Variants in ENTPD1 observed in about 807,000 individuals in gnomAD.
ENTPD1 encodes ATP diphosphohydrolase.
Under a neutral mutation model 57.0 loss-of-function variants are expected in ENTPD1, and 33 were observed. That is an observed-to-expected ratio of 0.58 (90% CI 0.44 to 0.77). The LOEUF is 0.77. Among genes scored for constraint, ENTPD1 ranks in the 30% least tolerant of loss-of-function variants. The probability of loss-of-function intolerance (pLI) is 0.00; values close to 1 mark genes in which losing one functional copy is unlikely to be tolerated. For synonymous variants in ENTPD1, 202 were observed against 218.8 expected (o/e 0.92, Z 0.68); for missense variants, 501 against 603.4 (o/e 0.83, Z 1.78).
Position 95,757,129 on chromosome 10 carries a change from C to T in ENTPD1, c.16+874C>T, listed in dbSNP as rs1240540686. 2.0e-5 allele frequency among the ~76,000 whole-genome samples: 3 copies of T among 152,146 alleles called. No individual in the cohort carries two copies. In the East Asian group the frequency reaches 5.8e-4, roughly 29 times the overall value. On this transcript the variant is annotated intron_variant, in intron 1 of 9. Transcript: ENST00000371205. ...TTATCATCTCTAACTTCTAACATTC[C>T]CACATGCTTATACCGTATAGAACAT...
rs1437777899 is a variant in ENTPD1, at chr10:95,868,063, CTG to C, written c.*1685_*1686del. 1.0e-6 allele frequency: 1 copy of C among 984,274 alleles called. No homozygotes were observed. The highest frequency in any genetic ancestry group is 1.2e-6 in the Non-Finnish European group (1 of 828,964). The allele number at this position is 984,274 out of a possible 1,614,324, so 61.0% of individuals were successfully genotyped here. A position where few individuals can be genotyped will look rare whatever the true frequency, so the allele number is the denominator to read the frequency against. ...GGTTGAGCATTTGTGGTGTACCACG[CTG>C]TGTGCTCAAGGGTATTACATTCATC... On this transcript the variant is annotated 3_prime_UTR_variant, in exon 10 of 10. Transcript: ENST00000371205.
chr10:95,871,401 C>G lies in ENTPD1; in HGVS notation c.*5018C>G. ...TTAATCAGGATGCTGTGGCAGCTCCCACATTAGCCTCGCATTCTAAACTGG... is the reference window on the plus strand; with the variant it reads ...TTAATCAGGATGCTGTGGCAGCTCCGACATTAGCCTCGCATTCTAAACTGG... On this transcript the variant is annotated 3_prime_UTR_variant, in exon 10 of 10. Transcript: ENST00000371205. The G allele has an allele frequency of 1.0e-6, 1 of 985,422 alleles. No homozygotes were observed. The highest frequency in any genetic ancestry group is 4.7e-5 in the South Asian group (1 of 21,288). 61.0% of individuals were successfully genotyped at this position (985,422 alleles called of 1,614,324 possible). A position where few individuals can be genotyped will look rare whatever the true frequency, so the allele number is the denominator to read the frequency against.
At chr10:95,856,321 A>AT (rs776972895) in intron 7 of ENTPD1, among the ~76,000 whole-genome samples, 38 of 152,210 alleles carry the variant, frequency 2.5e-4, no homozygotes, top group Non-Finnish European at 4.7e-4. Context: ...AAGAATGGTC[A>AT]TAATTTAAAA....
rs1443069407 is a variant in ENTPD1, at chr10:95,868,487, T to C, written c.*2104T>C. 3.0e-6 allele frequency: 3 copies of C among 985,326 alleles called. No homozygotes were observed. Among genetic ancestry groups the C allele is most frequent in the East Asian group, 1.1e-4 (1 of 8,826 alleles). 61.0% of individuals were successfully genotyped at this position (985,326 alleles called of 1,614,324 possible). On this transcript the variant is annotated 3_prime_UTR_variant, in exon 10 of 10. Transcript: ENST00000371205. ...TAATGTTTGCTCACAGCATAGTAGATTGACATCAAATAGTGGCCGATGATG... is the reference window on the plus strand; with the variant it reads ...TAATGTTTGCTCACAGCATAGTAGACTGACATCAAATAGTGGCCGATGATG...
upstream of ENTPD1, among the ~76,000 whole-genome samples, chr10:95,707,819 A>G (rs189628249): frequency 1.6e-3 from 241 of 152,262 alleles, 3 homozygotes; most frequent in Admixed American, 4.1e-3. Flanking sequence ...TAGCCAGGCT[A>G]GTCTTGAACT....
At chr10:95,783,100 G>A (rs1266901043) in intron 1 of ENTPD1, among the ~76,000 whole-genome samples, 1 of 152,150 alleles carries the variant, frequency 6.6e-6, no homozygotes, top group Non-Finnish European at 1.5e-5. Flanking sequence ...GATCAAAAAA[G>A]AGAGTGGACA....
chr10:95,839,860 G>A, intron 3 of ENTPD1, 52 bp downstream of exon 3: 3 of 1,572,296 alleles, frequency 1.9e-6, no homozygotes, highest in Non-Finnish European at 2.6e-6. Flanking sequence ...ATGAGAACAT[G>A]AGAGGTGTAT....
chr10:95,844,560 C>CAGGATCATT lies in ENTPD1; in HGVS notation c.500_508dup (p.Arg167_Ile169dup). On this transcript the variant is annotated inframe_insertion, in exon 5 of 10. Transcript: ENST00000371205. Reference sequence around the variant, plus strand: ...ACTACCCCTTTGACTTCCAGGGTGCCAGGATCATTACTGGCCAAGAGGAAG... The same window carrying CAGGATCATT: ...ACTACCCCTTTGACTTCCAGGGTGCCAGGATCATTAGGATCATTACTGGCCAAGAGGAAG... 1 of 1,614,146 alleles carries CAGGATCATT rather than the reference C, an allele frequency of 6.2e-7. No homozygotes were observed. The highest frequency in any genetic ancestry group is 8.5e-7 in the Non-Finnish European group (1 of 1,180,034).
chr10:95,819,425 A>G (rs556978549), intron 1 of ENTPD1, among the ~76,000 whole-genome samples: 2 of 152,216 alleles, frequency 1.3e-5, no homozygotes, highest in South Asian at 4.2e-4. Context: ...TTGCCTCCCA[A>G]AGTGCTGAGA....
intron 1 of ENTPD1, among the ~76,000 whole-genome samples, chr10:95,722,539 C>T (rs1323128883): frequency 6.6e-6 from 1 of 151,270 alleles, no homozygotes; most frequent in South Asian, 2.1e-4. Flanking sequence ...AGTAAACTAT[C>T]GCAAGAACAA....
chr10:95,861,347 A>C (rs2098464987), intron 8 of ENTPD1: 1 of 152,332 alleles, frequency 6.6e-6, no homozygotes, highest in Non-Finnish European at 1.5e-5. Context: ...CAAGATGAAA[A>C]TCCAGGGATG....
At chr10:95,857,524 C>T (rs1382759826) in intron 7 of ENTPD1, among the ~76,000 whole-genome samples, 1 of 152,138 alleles carries the variant, frequency 6.6e-6, no homozygotes, top group African/African-American at 2.4e-5. Flanking sequence ...ACTAAAAGGT[C>T]TCTTCTCCCT....
the ENTPD1 span, among the ~76,000 whole-genome samples, chr10:95,695,750 G>A: frequency 6.6e-6 from 1 of 152,100 alleles, no homozygotes; most frequent in Non-Finnish European, 1.5e-5. Context: ...AGTGAGTTTT[G>A]TCTGTTTTGT....
chr10:95,707,091 C>T (rs535063626), upstream of ENTPD1, among the ~76,000 whole-genome samples: 2 of 152,178 alleles, frequency 1.3e-5, no homozygotes, highest in Non-Finnish European at 2.9e-5. Flanking sequence ...TGGGAGCTCC[C>T]GCCCTGCCAA....
intron 2 of ENTPD1, among the ~76,000 whole-genome samples, chr10:95,838,747 G>A (rs1430368685): frequency 6.6e-6 from 1 of 152,168 alleles, no homozygotes; most frequent in East Asian, 1.9e-4. Context: ...TGAGGTGTAT[G>A]CCTAGTATTT....
At chr10:95,778,434 CAAAGT>C (rs2098142680) in intron 1 of ENTPD1, among the ~76,000 whole-genome samples, 1 of 151,784 alleles carries the variant, frequency 6.6e-6, no homozygotes, top group East Asian at 1.9e-4. Context: ...GGTAGGCAAA[CAAAGT>C]AAACTAAAAC....
chr10:95,699,686 T>C, the ENTPD1 span, among the ~76,000 whole-genome samples: 2 of 152,006 alleles, frequency 1.3e-5, no homozygotes, highest in East Asian at 3.8e-4. Flanking sequence ...AAGATGCACA[T>C]TTGACCCCTC....
At chr10:95,861,104 C>T (rs1321695783) in intron 8 of ENTPD1, among the ~76,000 whole-genome samples, 1 of 152,212 alleles carries the variant, frequency 6.6e-6, no homozygotes, top group East Asian at 1.9e-4. Flanking sequence ...GAGCTTAGAC[C>T]TATAATGAGC....
intron 1 of ENTPD1, among the ~76,000 whole-genome samples, chr10:95,780,208 C>T (rs1589798225): frequency 6.6e-6 from 1 of 152,154 alleles, no homozygotes; most frequent in African/African-American, 2.4e-5. Context: ...AACATCTGTC[C>T]TCCCATGTTC....
Sources: gnomAD v4.1 joint callset for allele counts (sites outside exome capture counted in the v4.1 genomes callset) on GRCh38, gnomAD v4.1.1 for gene constraint, MANE v1.5 for transcripts, NCBI Gene and HGNC (gene_info 2026-07-23, HGNC 2026-07-21) for gene names.